MORC3: variants seen among roughly 807,000 people sequenced by gnomAD.
The protein encoded by MORC3 is MORC family CW-type zinc finger protein 3.
Under a neutral mutation model 109.1 loss-of-function variants are expected in MORC3, and 31 were observed. The observed-to-expected ratio is 0.28, with a 90% CI of 0.21 to 0.38. The LOEUF (loss-of-function observed/expected upper bound fraction) is 0.38. MORC3 is among the 10% of genes least tolerant of loss of function. The probability of loss-of-function intolerance (pLI) is 1.00; values close to 1 mark genes in which losing one functional copy is unlikely to be tolerated. For missense variants in MORC3, 867 were observed against 1,135.8 expected, an observed-to-expected ratio of 0.76 and a Z score of 3.40; for synonymous variants, 395 against 380.7, an observed-to-expected ratio of 1.04 and a Z score of -0.44.
In MORC3 at chr21:36,376,382, T is replaced by C. The variant is rs1317829478; in HGVS notation, c.*1086T>C. 1 of 152,662 alleles carries C rather than the reference T, an allele frequency of 6.6e-6. No homozygotes were observed. Among genetic ancestry groups the C allele is most frequent in the African/African-American group, 2.4e-5 (1 of 41,478 alleles). 9.5% of individuals were successfully genotyped at this position (152,662 alleles called of 1,614,324 possible). ...TTTCCAAAGTTTTATCATTGCTATT[T>C]ATTTTTACCTTTGTTTTTGAACATT... On this transcript the variant is annotated 3_prime_UTR_variant, in exon 17 of 17. Coordinates refer to ENST00000400485, the MANE Select transcript of MORC3 (RefSeq NM_015358.3).
At chr21:36,375,075 C>A in intron 16 of MORC3, 68 bp from the exon 17 acceptor site, 1 of 1,438,696 alleles carries the variant, frequency 7.0e-7, no homozygotes. Flanking sequence ...TGATATTTTA[C>A]TTTTTAAGGT....
intron 1 of MORC3, among the ~76,000 whole-genome samples, chr21:36,330,150 C>A (rs1006121253): frequency 2.6e-5 from 4 of 152,068 alleles, no homozygotes; most frequent in Non-Finnish European, 4.4e-5. Flanking sequence ...GTGTGAGCCA[C>A]CAGACCCGTC....
At chr21:36,359,556 C>CTTTTTTTTTTTTTTTTTTTTTTTTTTTTT (rs5843757) in intron 10 of MORC3, among the ~76,000 whole-genome samples, 2 of 93,950 alleles carry the variant, frequency 2.1e-5, no homozygotes, top group Non-Finnish European at 3.7e-5. Context: ...CTTTCCTCTC[C>CTTTTTTTTTTTTTTTTTTTTTTTTTTTTT]TTTTTTTTTT....
At chr21:36,361,952 G>GAA in intron 12 of MORC3, 1 of 576,382 alleles carries the variant, frequency 1.7e-6, no homozygotes, top group South Asian at 2.1e-5. Flanking sequence ...TCTTAGTGGA[G>GAA]AAAAAAACAC....
rs115965570 is a variant in MORC3, at chr21:36,372,547, G to T, written c.2666+16G>T. On this transcript the variant is annotated intron_variant, in intron 16 of 16. Coordinates refer to ENST00000400485, the MANE Select transcript of MORC3 (RefSeq NM_015358.3). ...ATGGAGAAAGGTAATATTAAATGAG[G>T]CGTTTTTGTGGGGCTGCAATTATGG... 1,582 of 1,561,216 alleles carry T rather than the reference G, an allele frequency of 1.0e-3. 15 individuals are homozygous for T. The African/African-American group carries it at 0.02, about 20-fold the overall frequency.
In MORC3 at chr21:36,369,171, T is replaced by A. The variant is rs374269462; in HGVS notation, c.1803T>A (p.Ser601Arg). Residue 601 changes from serine (S) to arginine (R), a missense_variant, in exon 15 of 17, where the codon AGT (serine) becomes AGA (arginine). Coordinates refer to ENST00000400485, the MANE Select transcript of MORC3 (RefSeq NM_015358.3). The stretch of plus-strand genomic sequence containing the variant: ...ATATTGACATGAAATCAGAACAGAG[T>A]CACGTTGAGCAAGGTGGTGTTCAGG... ...DHDIDMKSEQ[S>R]HVEQGGVQVE... 73 of 1,613,574 alleles carry A rather than the reference T, an allele frequency of 4.5e-5. No homozygotes were observed. Among genetic ancestry groups the A allele is most frequent in the Non-Finnish European group, 5.7e-5 (67 of 1,179,930 alleles).
Position 36,369,213 on chromosome 21 carries a change from C to G in MORC3, c.1845C>G (p.Asp615Glu). The change falls in exon 15 of 17, where the codon GAC becomes GAG. Residue 615 changes from aspartate to glutamate, a missense_variant. Coordinates refer to ENST00000400485, the MANE Select transcript of MORC3 (RefSeq NM_015358.3). ...QGGVQVEFVG[D>E]SEPCGQTGST... ...GTGTTCAGGTTGAGTTTGTGGGTGA[C>G]AGTGAACCTTGTGGCCAGACTGGTT... The G allele has an allele frequency of 6.2e-7, 1 of 1,614,126 alleles. No homozygotes were observed. Among genetic ancestry groups the G allele is most frequent in the African/African-American group, 1.3e-5 (1 of 75,022 alleles).
At chr21:36,371,314 C>T (rs191909349) in intron 15 of MORC3, among the ~76,000 whole-genome samples, 1 of 152,122 alleles carries the variant, frequency 6.6e-6, no homozygotes, top group African/African-American at 2.4e-5. Flanking sequence ...AGTTGAATGA[C>T]AAAATACAGA....
At chr21:36,343,569 C>G (rs2085475639) in intron 6 of MORC3, among the ~76,000 whole-genome samples, 1 of 151,822 alleles carries the variant, frequency 6.6e-6, no homozygotes, top group Non-Finnish European at 1.5e-5. Context: ...CTGGCACAGC[C>G]TCCTGAGTAG....
intron 1 of MORC3, among the ~76,000 whole-genome samples, chr21:36,322,530 C>G (rs2085205067): frequency 6.6e-6 from 1 of 152,066 alleles, no homozygotes; most frequent in Admixed American, 6.6e-5. Context: ...GGCCACCACA[C>G]CCGGCTAATT....
chr21:36,371,663 C>T (rs1029498692), intron 15 of MORC3, among the ~76,000 whole-genome samples: 18 of 152,030 alleles, frequency 1.2e-4, no homozygotes, highest in African/African-American at 3.9e-4. Flanking sequence ...AAAGTCAAAC[C>T]GTTGTAAGTC....
chr21:36,337,884 C>T lies in MORC3; in HGVS notation c.398C>T (p.Thr133Ile), dbSNP rs955426809. Reference protein sequence around the residue: ...ESMSVGLLSQTYLEVIKAEHV... With the variant: ...ESMSVGLLSQIYLEVIKAEHV... ...ATGAGCGTGGGCCTTTTGTCTCAGA[C>T]CTACTTGGAAGTCATAAAAGCGGAG... The change falls in exon 4 of 17, where the codon ACC (threonine) becomes ATC (isoleucine). Residue 133 changes from threonine to isoleucine, a missense_variant. Thr to Ile is a moderately conservative substitution (Grantham distance 89). Coordinates refer to ENST00000400485, the MANE Select transcript of MORC3 (RefSeq NM_015358.3). The T allele has an allele frequency of 6.2e-7, 1 of 1,614,114 alleles. No homozygotes were observed. The highest frequency in any genetic ancestry group is 8.5e-7 in the Non-Finnish European group (1 of 1,180,032).
chr21:36,333,781 TTTGTTTTG>T, intron 2 of MORC3, 63 bp downstream of exon 2: 19 of 1,346,416 alleles, frequency 1.4e-5, no homozygotes, highest in Admixed American at 2.1e-5. Context: ...TTTTTTTTGT[TTTGTTTTG>T]TTTTTTTTTT....
At chr21:36,367,371 A>C (rs1471336342) in intron 14 of MORC3, among the ~76,000 whole-genome samples, 4 of 152,226 alleles carry the variant, frequency 2.6e-5, no homozygotes, top group Non-Finnish European at 5.9e-5. Context: ...AGGTATACGC[A>C]GATCGCCCTG....
chr21:36,333,976 A>G (rs2085344881), intron 2 of MORC3, among the ~76,000 whole-genome samples: 1 of 150,864 alleles, frequency 6.6e-6, no homozygotes, highest in Non-Finnish European at 1.5e-5. Context: ...TTTAGTAGAG[A>G]CGGGGTTTCA....
intron 4 of MORC3, 37 bp from the exon 5 acceptor site, chr21:36,338,737 C>A: frequency 1.9e-6 from 3 of 1,543,310 alleles, no homozygotes; most frequent in Non-Finnish European, 2.6e-6. Context: ...ATTATGAAAA[C>A]TATGTTGTCA....
intron 9 of MORC3, among the ~76,000 whole-genome samples, chr21:36,349,787 G>A (rs1156710506): frequency 6.6e-6 from 1 of 152,224 alleles, no homozygotes; most frequent in South Asian, 2.1e-4. Flanking sequence ...GCCTATAGAC[G>A]TGGTCTCTGG....
At chr21:36,337,104 A>T in intron 3 of MORC3, 98 bp downstream of exon 3, 1 of 1,393,354 alleles carries the variant, frequency 7.2e-7, no homozygotes. Context: ...TTTTGAAATG[A>T]AATGCTGTAT....
rs923284693 is a variant in MORC3, at chr21:36,376,134, T to C, written c.*838T>C. On this transcript the variant is annotated 3_prime_UTR_variant, in exon 17 of 17. Transcript: ENST00000400485. ...TAATGTGAGTTGAGGAAGACAGTCT[T>C]TCTCAAACAATACTACATACCTTTT... 1.3e-5 allele frequency: 2 copies of C among 152,580 alleles called. No individual in the cohort carries two copies. The highest frequency in any genetic ancestry group is 4.8e-5 in the African/African-American group (2 of 41,448). 9.5% of individuals were successfully genotyped at this position (152,580 alleles called of 1,614,324 possible).
Sources: allele counts gnomAD v4.1 joint callset (sites outside exome capture counted in the v4.1 genomes callset), GRCh38; gene constraint gnomAD v4.1.1; transcripts MANE v1.5; gene names NCBI Gene and HGNC (gene_info 2026-07-23, HGNC 2026-07-21).